NELL1: variants seen among roughly 807,000 people sequenced by gnomAD.
NELL1 encodes the protein protein kinase C-binding protein NELL1.
NELL1 carries 76 observed loss-of-function variants against 107.4 expected under a neutral mutation model. That is an observed-to-expected ratio of 0.71 (90% CI 0.59 to 0.86). The LOEUF (loss-of-function observed/expected upper bound fraction) is 0.86. Ranked by LOEUF, NELL1 falls within the 40% of genes least tolerant of loss-of-function variation. NELL1 has a pLI of 0.00. For synonymous variants in NELL1, 353 were observed against 341.2 expected (o/e 1.03, Z -0.38); for missense variants, 1,024 against 1,005.5 (o/e 1.02, Z -0.25).
chr11:21,283,419 C>T (rs1849041716), intron 14 of NELL1, among the ~76,000 whole-genome samples: 1 of 152,010 alleles, frequency 6.6e-6, no homozygotes, highest in African/African-American at 2.4e-5. Flanking sequence ...TATTTTGGAC[C>T]AAGAGAAAAC....
At chr11:21,384,280 A>G (rs1370653559) in intron 15 of NELL1, among the ~76,000 whole-genome samples, 2 of 151,732 alleles carry the variant, frequency 1.3e-5, no homozygotes, top group African/African-American at 2.4e-5. Flanking sequence ...CCCCATTTTC[A>G]CTGCGTAAAA....
At chr11:20,682,036 G>T (rs944525446) in intron 2 of NELL1, among the ~76,000 whole-genome samples, 3 of 151,998 alleles carry the variant, frequency 2.0e-5, no homozygotes, top group Non-Finnish European at 2.9e-5. Flanking sequence ...AATCACATCT[G>T]CAAAATCTTT....
chr11:21,062,015 A>C (rs1177644467), intron 12 of NELL1, among the ~76,000 whole-genome samples: 2 of 152,166 alleles, frequency 1.3e-5, no homozygotes, highest in African/African-American at 2.4e-5. Context: ...CAGATTGTCT[A>C]CTTGCAACTG....
rs1055821962 is a variant in NELL1 at position 21,389,608 on chromosome 11, C to T, written c.1645+18660C>T. 3.1e-4 allele frequency among the ~76,000 whole-genome samples: 47 copies of T among 151,782 alleles called. 2 individuals are homozygous for T. The highest frequency in any genetic ancestry group is 6.6e-5 in the Admixed American group (1 of 15,218). Reference sequence around the variant, plus strand: ...TAGAAAAGCACACCAAGAGGAACCACTCTCCTGGCTTCCAACACTCCAGGT... The same window carrying T: ...TAGAAAAGCACACCAAGAGGAACCATTCTCCTGGCTTCCAACACTCCAGGT... On this transcript the variant is annotated intron_variant, in intron 15 of 19. Transcript: ENST00000357134.
chr11:21,131,400 T>G (rs576072516), intron 13 of NELL1, among the ~76,000 whole-genome samples: 1 of 152,228 alleles, frequency 6.6e-6, no homozygotes, highest in South Asian at 2.1e-4. Flanking sequence ...TGGTATTGGG[T>G]ATTAGAGAGA....
chr11:20,791,056 A>G (rs563557167), intron 3 of NELL1, among the ~76,000 whole-genome samples: 2 of 152,226 alleles, frequency 1.3e-5, no homozygotes, highest in South Asian at 2.1e-4. Context: ...TGGTTATTCT[A>G]TTTCCCTTGG....
intron 15 of NELL1, among the ~76,000 whole-genome samples, chr11:21,495,289 G>A (rs1005539801): frequency 3.3e-5 from 5 of 152,012 alleles, no homozygotes; most frequent in Non-Finnish European, 5.9e-5. Context: ...ATCTTTCACT[G>A]AGCGTAGTGT....
intron 14 of NELL1, among the ~76,000 whole-genome samples, chr11:21,333,908 CT>C (rs1332487485): frequency 1.3e-4 from 20 of 152,014 alleles, no homozygotes; most frequent in Non-Finnish European, 1.5e-4. Flanking sequence ...ATTGAAATTC[CT>C]TTTTCTCCAC....
At chr11:20,964,285 G>C (rs1851347330) in intron 12 of NELL1, among the ~76,000 whole-genome samples, 1 of 152,050 alleles carries the variant, frequency 6.6e-6, no homozygotes, top group African/African-American at 2.4e-5. Flanking sequence ...CTTAGTTCTT[G>C]AATTTGGAGT....
At chr11:21,398,150 G>A (rs554909051) in intron 15 of NELL1, among the ~76,000 whole-genome samples, 7 of 151,260 alleles carry the variant, frequency 4.6e-5, no homozygotes, top group Non-Finnish European at 8.9e-5. Context: ...ATTTATGAAC[G>A]AGATTATACT....
intron 2 of NELL1, among the ~76,000 whole-genome samples, chr11:20,693,056 C>G (rs1350809246): frequency 6.6e-6 from 1 of 151,866 alleles, no homozygotes; most frequent in African/African-American, 2.4e-5. Flanking sequence ...TTCTTTGTCT[C>G]TTTTGATCTT....
At position 20,813,006 on chromosome 11, in the gene NELL1, C is replaced by CAAAAAA. The variant is rs869187456; in HGVS notation, c.335+29212_335+29217dup. Among the ~76,000 whole-genome samples the CAAAAAA allele has an allele frequency of 9.5e-4, 58 of 61,270 alleles. 4 individuals are homozygous for CAAAAAA. The highest frequency in any genetic ancestry group is 3.5e-3 in the African/African-American group (50 of 14,486). The allele number at this position is 61,270 out of a possible 152,430, so 40.2% of individuals were successfully genotyped here. A position where few individuals can be genotyped will look rare whatever the true frequency, so the allele number is the denominator to read the frequency against. ...CCTGGGCGACAGCGAGACTCCGTCT[C>CAAAAAA]AAAAAAAAAAAAAAAAAAAAAAAAA... is the stretch of plus-strand genomic sequence containing the variant. On this transcript the variant is annotated intron_variant, in intron 3 of 19. Coordinates refer to ENST00000357134, the MANE Select transcript of NELL1 (RefSeq NM_006157.5).
intron 15 of NELL1, among the ~76,000 whole-genome samples, chr11:21,446,091 ATTCT>A (rs1202156423): frequency 3.3e-5 from 5 of 151,906 alleles, no homozygotes; most frequent in Admixed American, 6.6e-5. Context: ...CTTCAAGCTA[ATTCT>A]TTCTTCTGCT....
chr11:21,343,667 T>A (rs1850624114), intron 14 of NELL1, among the ~76,000 whole-genome samples: 1 of 152,198 alleles, frequency 6.6e-6, no homozygotes, highest in Non-Finnish European at 1.5e-5. Flanking sequence ...TACCCAGTTT[T>A]GCCTTTGTAA....
At chr11:21,036,539 T>G (rs1853096860) in intron 12 of NELL1, among the ~76,000 whole-genome samples, 1 of 152,016 alleles carries the variant, frequency 6.6e-6, no homozygotes, top group Non-Finnish European at 1.5e-5. Flanking sequence ...CTCTTTCCCA[T>G]ATTCTCTATT....
At chr11:21,336,774 A>T (rs1850412011) in intron 14 of NELL1, among the ~76,000 whole-genome samples, 1 of 151,352 alleles carries the variant, frequency 6.6e-6, no homozygotes, top group Non-Finnish European at 1.5e-5. Flanking sequence ...TGCTGTACTC[A>T]GTTGGCCCTT....
intron 3 of NELL1, among the ~76,000 whole-genome samples, chr11:20,805,501 A>G (rs1475173484): frequency 2.0e-5 from 3 of 151,986 alleles, no homozygotes; most frequent in Non-Finnish European, 4.4e-5. Flanking sequence ...ATAATGTCTT[A>G]TAACCCATTA....
At chr11:20,986,451 C>T (rs1012547699) in intron 12 of NELL1, among the ~76,000 whole-genome samples, 3 of 152,236 alleles carry the variant, frequency 2.0e-5, no homozygotes, top group African/African-American at 7.2e-5. Context: ...CCTTGTGCAC[C>T]CTTGGCAACT....
chr11:21,574,886 G>A, intron 19 of NELL1, 86 bp from the exon 20 acceptor site: 1 of 1,128,156 alleles, frequency 8.9e-7, no homozygotes, highest in South Asian at 1.3e-5. Context: ...TCAAAATGCT[G>A]AAAGTTGTTT....
Sources: allele counts gnomAD v4.1 joint callset (sites outside exome capture counted in the v4.1 genomes callset), GRCh38; gene constraint gnomAD v4.1.1; transcripts MANE v1.5; gene names NCBI Gene and HGNC (gene_info 2026-07-23, HGNC 2026-07-21).